SH3BP5: variants seen among roughly 807,000 people sequenced by gnomAD.
SH3BP5 encodes the protein SH3 domain-binding protein 5.
In SH3BP5, 22 loss-of-function variants were observed where a neutral mutation model predicts 43.3. The ratio of observed to expected loss-of-function variants is 0.51; its 90% CI spans 0.36 to 0.73. The LOEUF (loss-of-function observed/expected upper bound fraction) is 0.73, where lower values mean the gene tolerates loss of function less well. Ranked by LOEUF, SH3BP5 falls within the 30% of genes least tolerant of loss-of-function variation. The pLI is 0.00. For synonymous variants in SH3BP5, 255 were observed against 225.8 expected (o/e 1.13, Z -1.16); for missense variants, 529 against 586.9 (o/e 0.90, Z 1.02).
At chr3:15,321,902 A>G (rs974985484) in intron 2 of SH3BP5, among the ~76,000 whole-genome samples, 4 of 152,136 alleles carry the variant, frequency 2.6e-5, no homozygotes, top group Admixed American at 6.6e-5. Flanking sequence ...TCTTTGGCCC[A>G]CACAAGAATA....
At chr3:15,281,593 A>G (rs1416203388) in intron 3 of SH3BP5, among the ~76,000 whole-genome samples, 3 of 152,088 alleles carry the variant, frequency 2.0e-5, no homozygotes, top group Admixed American at 6.6e-5. Flanking sequence ...GGGGGTTGCG[A>G]GCATAACACC....
At chr3:15,297,338 GC>G (rs1295612584) in intron 3 of SH3BP5, among the ~76,000 whole-genome samples, 1 of 152,018 alleles carries the variant, frequency 6.6e-6, no homozygotes, top group African/African-American at 2.4e-5. Context: ...ATCTTCCATA[GC>G]CCCCTCCCAG....
chr3:15,309,382 C>T (rs1697993046), intron 2 of SH3BP5, among the ~76,000 whole-genome samples: 1 of 151,882 alleles, frequency 6.6e-6, no homozygotes, highest in South Asian at 2.1e-4. Flanking sequence ...GGGTTTTTGT[C>T]TTCTTAAGAG....
chr3:15,280,158 C>G (rs1001413810), intron 3 of SH3BP5, among the ~76,000 whole-genome samples: 1 of 152,148 alleles, frequency 6.6e-6, no homozygotes, highest in African/African-American at 2.4e-5. Flanking sequence ...CAGCAGGCCT[C>G]CGGGAACGAC....
intron 6 of SH3BP5, 68 bp from the exon 7 acceptor site, chr3:15,259,118 G>A: frequency 1.6e-6 from 2 of 1,266,740 alleles, no homozygotes; most frequent in Non-Finnish European, 2.3e-6. Flanking sequence ...CTGAATGACA[G>A]GTTCAAGTAC....
At chr3:15,272,650 CTGTAGGATAAAGA>C (rs1462008697) in intron 3 of SH3BP5, among the ~76,000 whole-genome samples, 6 of 106,492 alleles carry the variant, frequency 5.6e-5, no homozygotes, top group African/African-American at 3.4e-4. Context: ...AACAGAGTGC[CTGTAGGATAAAGA>C]CATTACAAAA....
At chr3:15,291,713 G>A (rs1697417795) in intron 3 of SH3BP5, among the ~76,000 whole-genome samples, 2 of 152,320 alleles carry the variant, frequency 1.3e-5, no homozygotes, top group Non-Finnish European at 2.9e-5. Context: ...GATGAACCCT[G>A]AGTTGGGAAT....
At chr3:15,303,518 C>T (rs1249143196) in intron 3 of SH3BP5, among the ~76,000 whole-genome samples, 1 of 152,104 alleles carries the variant, frequency 6.6e-6, no homozygotes, top group Non-Finnish European at 1.5e-5. Flanking sequence ...TTCCACGCAG[C>T]CCCCAGCAAT....
intron 3 of SH3BP5, among the ~76,000 whole-genome samples, chr3:15,301,797 C>A (rs1486596901): frequency 6.6e-6 from 1 of 152,032 alleles, no homozygotes; most frequent in Non-Finnish European, 1.5e-5. Flanking sequence ...AATCAGAGGA[C>A]CAGCCTTGAG....
At chr3:15,297,688 A>G (rs1697614625) in intron 3 of SH3BP5, among the ~76,000 whole-genome samples, 2 of 152,068 alleles carry the variant, frequency 1.3e-5, no homozygotes, top group Admixed American at 1.3e-4. Flanking sequence ...GAATCTCAAC[A>G]CTGTATGAAA....
At position 15,256,177 on chromosome 3, in the gene SH3BP5, G is replaced by A; in HGVS notation, c.1277C>T (p.Ala426Val). ...SQSSTSPEGQALENRMKQLSL... is the reference protein window; with the variant it reads ...SQSSTSPEGQVLENRMKQLSL... ...GAGCTGCTTCATCCGGTTCTCCAAG[G>A]CCTGGCCCTCAGGGGAGGTGCTGCT... Residue 426 changes from alanine to valine, a missense_variant, in exon 9 of 9, where the codon GCC (alanine) becomes GTC (valine). Ala to Val is a moderately conservative substitution (Grantham distance 64, BLOSUM62 0). This residue lies in a region of SH3BP5 where 369 missense variants were observed against 384.3 expected (regional missense o/e 0.96). Coordinates refer to ENST00000383791, the MANE Select transcript of SH3BP5 (RefSeq NM_004844.5). The A allele has an allele frequency of 1.9e-6, 3 of 1,614,160 alleles. No homozygotes were observed. The highest frequency in any genetic ancestry group is 2.5e-6 in the Non-Finnish European group (3 of 1,179,998).
upstream of SH3BP5, among the ~76,000 whole-genome samples, chr3:15,334,321 A>G (rs1698675180): frequency 6.6e-6 from 1 of 152,254 alleles, no homozygotes; most frequent in African/African-American, 2.4e-5. Flanking sequence ...CACAGGCAGT[A>G]CTATATACAG....
intron 5 of SH3BP5, chr3:15,260,088 A>G: frequency 2.1e-6 from 1 of 474,488 alleles, no homozygotes; most frequent in Non-Finnish European, 3.8e-6. Flanking sequence ...AACTTAGCTC[A>G]TGTTCCTCCT....
At chr3:15,295,504 C>T (rs1376553180) in intron 3 of SH3BP5, among the ~76,000 whole-genome samples, 1 of 152,094 alleles carries the variant, frequency 6.6e-6, no homozygotes, top group Non-Finnish European at 1.5e-5. Flanking sequence ...AATTGGCCTC[C>T]AAGTATAGCA....
intron 3 of SH3BP5, among the ~76,000 whole-genome samples, chr3:15,280,942 T>C (rs1697111217): frequency 6.6e-6 from 1 of 152,248 alleles, no homozygotes; most frequent in Non-Finnish European, 1.5e-5. Flanking sequence ...AACCTGGTCA[T>C]TGCCTGACAT....
chr3:15,300,999 G>A (rs1294146696), intron 3 of SH3BP5, among the ~76,000 whole-genome samples: 1 of 152,154 alleles, frequency 6.6e-6, no homozygotes, highest in Admixed American at 6.5e-5. Flanking sequence ...CAAGAGAAGG[G>A]ATGAAGAGAT....
At chr3:15,306,919 C>T (rs1036876196) in intron 2 of SH3BP5, among the ~76,000 whole-genome samples, 10 of 152,142 alleles carry the variant, frequency 6.6e-5, no homozygotes, top group African/African-American at 1.9e-4. Context: ...GTAATCTACC[C>T]GCCTAGGCCT....
At chr3:15,259,639 A>G (rs1297235763) in intron 6 of SH3BP5, 122 bp downstream of exon 6, 1 of 958,730 alleles carries the variant, frequency 1.0e-6, no homozygotes, top group Non-Finnish European at 1.7e-6. Flanking sequence ...AAACTCAGTA[A>G]AGCCTGTCTC....
At chr3:15,314,788 G>A (rs1242207741) in intron 2 of SH3BP5, among the ~76,000 whole-genome samples, 1 of 152,212 alleles carries the variant, frequency 6.6e-6, no homozygotes. Context: ...CAAGATCACT[G>A]CTGGAAACCA....
Sources: gnomAD v4.1 joint callset for allele counts (sites outside exome capture counted in the v4.1 genomes callset) on GRCh38, gnomAD v4.1.1 for gene constraint, gnomAD v4.1.1 regional missense constraint, MANE v1.5 for transcripts, NCBI Gene and HGNC (gene_info 2026-07-23, HGNC 2026-07-21) for gene names.